Variants in ERBB4 observed in about 807,000 individuals in gnomAD.
ERBB4 encodes the protein receptor tyrosine-protein kinase erbB-4.
In ERBB4, 42 loss-of-function variants were observed where a neutral mutation model predicts 158.0. The ratio of observed to expected loss-of-function variants is 0.27; its 90% CI spans 0.21 to 0.34. The LOEUF (loss-of-function observed/expected upper bound fraction) is 0.34, where lower values mean the gene tolerates loss of function less well. Among genes scored for constraint, ERBB4 ranks in the 10% least tolerant of loss-of-function variants. The pLI, the probability that ERBB4 is intolerant of heterozygous loss-of-function variation, is 1.00. For missense variants in ERBB4, 1,333 were observed against 1,624.1 expected (o/e 0.82, Z 3.08); for synonymous variants, 583 against 558.7 (o/e 1.04, Z -0.61).
chr2:211,538,854 G>T (rs986169915), intron 20 of ERBB4, among the ~76,000 whole-genome samples: 1 of 151,800 alleles, frequency 6.6e-6, no homozygotes, highest in Non-Finnish European at 1.5e-5. Context: ...GACAGAAAAC[G>T]CATAACTTCC....
chr2:212,115,338 T>C (rs147301103), intron 2 of ERBB4, among the ~76,000 whole-genome samples: 7 of 152,238 alleles, frequency 4.6e-5, no homozygotes, highest in Non-Finnish European at 1.0e-4. Flanking sequence ...TCTGTCTTTT[T>C]TTTGAAAGAA....
At chr2:211,467,940 T>G in intron 20 of ERBB4, among the ~76,000 whole-genome samples, 1 of 152,158 alleles carries the variant, frequency 6.6e-6, no homozygotes, top group East Asian at 1.9e-4. Context: ...TATTTCCTTT[T>G]GGAGAAAGTA....
chr2:212,048,003 T>C (rs1458090640), intron 2 of ERBB4, among the ~76,000 whole-genome samples: 1 of 152,136 alleles, frequency 6.6e-6, no homozygotes, highest in Non-Finnish European at 1.5e-5. Flanking sequence ...TTATTGGGTG[T>C]TCATGAGAGA....
intron 4 of ERBB4, among the ~76,000 whole-genome samples, chr2:211,773,628 A>ATG (rs1451834131): frequency 1.9e-5 from 1 of 52,064 alleles, no homozygotes; most frequent in Admixed American, 1.5e-4. Context: ...ATATATATAT[A>ATG]TATATATATA....
chr2:212,520,046 T>A (rs909296959), intron 1 of ERBB4, among the ~76,000 whole-genome samples: 1 of 151,000 alleles, frequency 6.6e-6, no homozygotes, highest in Admixed American at 6.6e-5. Context: ...GGACAATTAT[T>A]ATTTATCAAC....
chr2:212,249,996 T>C (rs550474018), intron 1 of ERBB4, among the ~76,000 whole-genome samples: 162 of 152,164 alleles, frequency 1.1e-3, no homozygotes, highest in Non-Finnish European at 2.0e-3. Flanking sequence ...TGATACCGTG[T>C]ATATGTATTG....
intron 20 of ERBB4, among the ~76,000 whole-genome samples, chr2:211,543,086 A>C (rs775248136): frequency 3.9e-5 from 6 of 151,964 alleles, no homozygotes; most frequent in Non-Finnish European, 8.8e-5. Context: ...GTTGACAAGA[A>C]ATTTAGTTAC....
rs1486019957 is a variant in ERBB4 at position 212,191,570 on chromosome 2, A to G, written c.83-66667T>C. On this transcript the variant is annotated intron_variant, in intron 1 of 27. Transcript: ENST00000342788. ...GTGTTATGCCTGTTATATATAACAC[A>G]TGTGTTATGCCTGTTATATATAACA... Among the ~76,000 whole-genome samples, 5 of 134,686 alleles carry G rather than the reference A, an allele frequency of 3.7e-5. 1 individual carries two copies. Among genetic ancestry groups the G allele is most frequent in the African/African-American group, 1.1e-4 (4 of 36,054 alleles). The allele number at this position is 134,686 out of a possible 152,430, so 88.4% of individuals were successfully genotyped here.
At chr2:211,739,591 G>A (rs573343786) in intron 5 of ERBB4, among the ~76,000 whole-genome samples, 1 of 152,274 alleles carries the variant, frequency 6.6e-6, no homozygotes, top group Non-Finnish European at 1.5e-5. Context: ...AGTGTCCCGA[G>A]TAGCTGGGAC....
chr2:211,583,081 A>G (rs1242023050), intron 19 of ERBB4, among the ~76,000 whole-genome samples: 3 of 152,158 alleles, frequency 2.0e-5, no homozygotes, highest in African/African-American at 7.2e-5. Flanking sequence ...AATGATTTAA[A>G]TGGCTTTGAA....
chr2:211,388,472 AG>A (rs1489188652), intron 25 of ERBB4, among the ~76,000 whole-genome samples: 8 of 152,182 alleles, frequency 5.3e-5, no homozygotes, highest in African/African-American at 1.9e-4. Flanking sequence ...TTTGCTATCA[AG>A]CTACATTTAT....
intron 2 of ERBB4, among the ~76,000 whole-genome samples, chr2:212,017,185 C>G (rs929877579): frequency 1.3e-5 from 2 of 152,096 alleles, no homozygotes; most frequent in Non-Finnish European, 2.9e-5. Flanking sequence ...TAATAGAATG[C>G]AACTTCCTTG....
At chr2:212,284,280 T>C (rs1574595893) in intron 1 of ERBB4, among the ~76,000 whole-genome samples, 1 of 152,140 alleles carries the variant, frequency 6.6e-6, no homozygotes, top group East Asian at 1.9e-4. Flanking sequence ...CTTGCCCTCC[T>C]TCTTTCTTTG....
chr2:211,875,253 G>A (rs776448503), intron 3 of ERBB4, among the ~76,000 whole-genome samples: 1 of 151,864 alleles, frequency 6.6e-6, no homozygotes, highest in African/African-American at 2.4e-5. Flanking sequence ...AAACTACAGA[G>A]GCCATTTAAT....
intron 20 of ERBB4, among the ~76,000 whole-genome samples, chr2:211,489,207 G>A (rs1380948445): frequency 1.3e-5 from 2 of 151,946 alleles, no homozygotes; most frequent in African/African-American, 4.8e-5. Flanking sequence ...ACTGCTTATT[G>A]TTTCATTAAT....
chr2:211,737,550 C>T (rs1052178277), intron 5 of ERBB4, among the ~76,000 whole-genome samples: 5 of 152,170 alleles, frequency 3.3e-5, no homozygotes, highest in Non-Finnish European at 7.3e-5. Context: ...ATAATTTTGA[C>T]TTTACATAAT....
intron 20 of ERBB4, among the ~76,000 whole-genome samples, chr2:211,551,037 G>A (rs995857336): frequency 6.6e-5 from 10 of 151,956 alleles, no homozygotes; most frequent in African/African-American, 1.2e-4. Context: ...GCGCCTCACC[G>A]GCTCCAGTGA....
chr2:211,943,155 A>G (rs2080553109), intron 3 of ERBB4, among the ~76,000 whole-genome samples: 1 of 152,088 alleles, frequency 6.6e-6, no homozygotes, highest in Non-Finnish European at 1.5e-5. Flanking sequence ...ATTACCAACC[A>G]TTAGTAACAG....
intron 4 of ERBB4, among the ~76,000 whole-genome samples, chr2:211,754,406 C>CTTTTTTT (rs2075235833): frequency 5.4e-5 from 6 of 111,922 alleles, no homozygotes; most frequent in South Asian, 3.5e-4. Context: ...TGCAATAATC[C>CTTTTTTT]CTTTTTTTTT....
Sources: allele counts gnomAD v4.1 joint callset (sites outside exome capture counted in the v4.1 genomes callset), GRCh38; gene constraint gnomAD v4.1.1; transcripts MANE v1.5; gene names NCBI Gene and HGNC (gene_info 2026-07-23, HGNC 2026-07-21).